The following LIPA variants were observed in gnomAD, a reference collection of about 807,000 sequenced individuals.
LIPA encodes the protein lysosomal acid lipase/cholesteryl ester hydrolase.
Under a neutral mutation model 40.6 loss-of-function variants are expected in LIPA, and 26 were observed. The ratio of observed to expected loss-of-function variants is 0.64; its 90% CI spans 0.47 to 0.89. The LOEUF (loss-of-function observed/expected upper bound fraction) is 0.89. LIPA is among the 40% of genes least tolerant of loss of function. The pLI, the probability that LIPA is intolerant of heterozygous loss-of-function variation, is 0.00. For missense variants in LIPA, 455 were observed against 479.6 expected (o/e 0.95, Z 0.48); for synonymous variants, 188 against 168.4 (o/e 1.12, Z -0.90).
intron 1 of LIPA, among the ~76,000 whole-genome samples, chr10:89,303,450 ATTG>A (rs1463025855): frequency 2.0e-5 from 3 of 152,204 alleles, no homozygotes; most frequent in South Asian, 4.1e-4. Flanking sequence ...AAAGGAAGAA[ATTG>A]TTGTTGTTGT....
intron 2 of LIPA, among the ~76,000 whole-genome samples, chr10:89,352,047 C>T (rs532647443): frequency 2.4e-4 from 36 of 152,310 alleles, no homozygotes; most frequent in African/African-American, 7.7e-4. Context: ...GTCAGACACA[C>T]CCCTTCCTTA....
chr10:89,348,674 A>C (rs1361098250), intron 2 of LIPA, among the ~76,000 whole-genome samples: 1 of 152,218 alleles, frequency 6.6e-6, no homozygotes, highest in Non-Finnish European at 1.5e-5. Flanking sequence ...ACCTGACTCT[A>C]ACTTCCTTGG....
intron 1 of LIPA, among the ~76,000 whole-genome samples, chr10:89,297,280 C>T (rs1270899103): frequency 2.0e-5 from 3 of 152,182 alleles, no homozygotes; most frequent in African/African-American, 7.2e-5. Context: ...CAAACTCTGA[C>T]ACCAGTATGG....
chr10:89,402,682 T>C (rs1255791607), intron 2 of LIPA: 3 of 1,614,172 alleles, frequency 1.9e-6, no homozygotes, highest in Non-Finnish European at 2.5e-6. Context: ...CGCTATAGAA[T>C]GGAGTGTCCA....
At chr10:89,396,110 C>T (rs1376889376) in intron 2 of LIPA, among the ~76,000 whole-genome samples, 1 of 152,080 alleles carries the variant, frequency 6.6e-6, no homozygotes, top group Non-Finnish European at 1.5e-5. Context: ...TGTGGAACAT[C>T]CAGGAATGTA....
At chr10:89,382,339 C>T (rs1347725987) in intron 2 of LIPA, among the ~76,000 whole-genome samples, 1 of 152,130 alleles carries the variant, frequency 6.6e-6, no homozygotes, top group African/African-American at 2.4e-5. Context: ...AATATACTTA[C>T]ATAGGATGTG....
At chr10:89,274,833 A>C (rs1843282187) in intron 1 of LIPA, among the ~76,000 whole-genome samples, 1 of 152,198 alleles carries the variant, frequency 6.6e-6, no homozygotes. Flanking sequence ...TATAACACAC[A>C]AAGATGCAGA....
chr10:89,368,728 G>A (rs567337080), intron 2 of LIPA, among the ~76,000 whole-genome samples: 4 of 152,182 alleles, frequency 2.6e-5, no homozygotes, highest in Non-Finnish European at 4.4e-5. Flanking sequence ...CATCAGGTAA[G>A]TTGTCCACTT....
chr10:89,362,725 A>G, intron 2 of LIPA: 1 of 734,632 alleles, frequency 1.4e-6, no homozygotes, highest in Admixed American at 2.5e-5. Flanking sequence ...GAGTGTCCTG[A>G]GATGAACTGT....
chr10:89,224,788 G>A (rs1842745075), intron 6 of LIPA, among the ~76,000 whole-genome samples: 1 of 152,144 alleles, frequency 6.6e-6, no homozygotes, highest in Non-Finnish European at 1.5e-5. Context: ...GGGATAAAGG[G>A]CAACTCCACA....
intron 2 of LIPA, among the ~76,000 whole-genome samples, chr10:89,247,045 G>T (rs903707173): frequency 6.6e-6 from 1 of 152,044 alleles, no homozygotes. Context: ...ATATTACCTG[G>T]TGAGAAAAGC....
At chr10:89,365,665 A>C (rs183293121) in intron 2 of LIPA, among the ~76,000 whole-genome samples, 1 of 152,106 alleles carries the variant, frequency 6.6e-6, no homozygotes, top group Non-Finnish European at 1.5e-5. Context: ...AGCTTTCTAC[A>C]TATGGCTAGC....
chr10:89,246,773 T>C (rs1398191798), intron 2 of LIPA, among the ~76,000 whole-genome samples: 2 of 152,244 alleles, frequency 1.3e-5, no homozygotes, highest in African/African-American at 4.8e-5. Context: ...TGGTTATTTT[T>C]GCATATTTTT....
intron 2 of LIPA, chr10:89,384,126 T>G: frequency 6.2e-7 from 1 of 1,614,188 alleles, no homozygotes; most frequent in Non-Finnish European, 8.5e-7. Context: ...ATAAAGCTCT[T>G]GAGCTCTTAA....
intron 1 of LIPA, among the ~76,000 whole-genome samples, chr10:89,260,675 AT>A (rs1244687007): frequency 6.6e-6 from 1 of 152,052 alleles, no homozygotes; most frequent in Non-Finnish European, 1.5e-5. Flanking sequence ...CTCCACACAC[AT>A]TACAGTGCTT....
chr10:89,244,079 C>T (rs1421675155), intron 3 of LIPA, among the ~76,000 whole-genome samples: 1 of 152,068 alleles, frequency 6.6e-6, no homozygotes, highest in Non-Finnish European at 1.5e-5. Flanking sequence ...AAAGCTCTCA[C>T]TATAACTCAT....
intron 2 of LIPA, among the ~76,000 whole-genome samples, chr10:89,246,893 G>A (rs530861566): frequency 3.9e-5 from 6 of 151,920 alleles, no homozygotes; most frequent in Admixed American, 1.3e-4. Context: ...TCTCAATAGC[G>A]GTAATGTTCT....
chr10:89,384,452 T>C (rs1844189187), intron 2 of LIPA: 1 of 1,614,206 alleles, frequency 6.2e-7, no homozygotes, highest in African/African-American at 1.3e-5. Flanking sequence ...AAGCAAGAGA[T>C]TCATTACCAC....
chr10:89,217,430 C>T (rs542035206), intron 8 of LIPA, among the ~76,000 whole-genome samples: 6 of 152,320 alleles, frequency 3.9e-5, no homozygotes, highest in African/African-American at 1.2e-4. Context: ...ACATCTGTTC[C>T]CCATCTTTGT....
Sources: gnomAD v4.1 joint callset for allele counts (sites outside exome capture counted in the v4.1 genomes callset) on GRCh38, gnomAD v4.1.1 for gene constraint, MANE v1.5 for transcripts, NCBI Gene and HGNC (gene_info 2026-07-23, HGNC 2026-07-21) for gene names.